The following FSTL5 variants were observed in gnomAD, a reference collection of about 807,000 sequenced individuals.
The protein encoded by FSTL5 is follistatin-related protein 5.
Under a neutral mutation model 89.1 loss-of-function variants are expected in FSTL5, and 62 were observed. The observed-to-expected ratio is 0.70, with a 90% CI of 0.57 to 0.86. The LOEUF is 0.86. Among genes scored for constraint, FSTL5 ranks in the 40% least tolerant of loss-of-function variants. The pLI, the probability that FSTL5 is intolerant of heterozygous loss-of-function variation, is 0.00. For synonymous variants in FSTL5, 383 were observed against 346.2 expected, an observed-to-expected ratio of 1.11 and a Z score of -1.18; for missense variants, 1,057 against 1,001.6, an observed-to-expected ratio of 1.06 and a Z score of -0.75.
At chr4:161,387,700 C>T (rs894304396) in intron 15 of FSTL5, 3 of 151,902 alleles carry the variant, frequency 2.0e-5, no homozygotes, top group African/African-American at 4.8e-5. Context: ...AAATCAGTCC[C>T]GTTTTGCAAT....
At chr4:161,444,267 T>C in intron 15 of FSTL5, among the ~76,000 whole-genome samples, 1 of 152,070 alleles carries the variant, frequency 6.6e-6, no homozygotes, top group South Asian at 2.1e-4. Context: ...ACAGACTTTA[T>C]GAAGTTGGAC....
chr4:161,942,417 T>C (rs1185429277), intron 3 of FSTL5, among the ~76,000 whole-genome samples: 1 of 152,006 alleles, frequency 6.6e-6, no homozygotes, highest in East Asian at 1.9e-4. Context: ...AAGATTCAAA[T>C]TATTAAATTC....
At position 162,026,048 on chromosome 4, in the gene FSTL5, C is replaced by CA. The variant is rs546224624; in HGVS notation, c.160+7576dup. ...GTTTATAGTGTCTGGACAGACAAAG[C>CA]AAAAAAAAAAACGGAAATGTGATAG... is the stretch of plus-strand genomic sequence containing the variant. On this transcript the variant is annotated intron_variant, in intron 3 of 15. Coordinates refer to ENST00000306100, the MANE Select transcript of FSTL5 (RefSeq NM_020116.5). Among the ~76,000 whole-genome samples the CA allele has an allele frequency of 8.3e-3, 987 of 118,994 alleles. 7 individuals carry two copies. The highest frequency in any genetic ancestry group is 0.02 in the African/African-American group (649 of 32,364). The allele number at this position is 118,994 out of a possible 152,430, so 78.1% of individuals were successfully genotyped here.
intron 3 of FSTL5, among the ~76,000 whole-genome samples, chr4:161,925,818 T>G (rs1003908163): frequency 2.6e-5 from 4 of 151,770 alleles, no homozygotes; most frequent in African/African-American, 9.7e-5. Context: ...GGAAATGCAT[T>G]TAGGGGAGTG....
intron 1 of FSTL5, among the ~76,000 whole-genome samples, chr4:162,129,194 A>G (rs1039092801): frequency 7.9e-5 from 12 of 152,300 alleles, no homozygotes; most frequent in Admixed American, 3.3e-4. Flanking sequence ...TGGCCTTCCA[A>G]AGTGCTGGGA....
intron 7 of FSTL5, among the ~76,000 whole-genome samples, chr4:161,620,528 C>T (rs1420003257): frequency 3.3e-5 from 5 of 151,912 alleles, no homozygotes; most frequent in Non-Finnish European, 5.9e-5. Flanking sequence ...CGGTGGCAGG[C>T]GCCTGTAATC....
Position 162,033,807 on chromosome 4 carries a change from A to G in FSTL5, c.127-149T>C, listed in dbSNP as rs187244378. ...CGCCTTTAAAAAATATTTACATATA[A>G]TTTTTTTTTGAGAGAGCATTTTGCC... is the stretch of plus-strand genomic sequence containing the variant. On this transcript the variant is annotated intron_variant, in intron 2 of 15. Transcript: ENST00000306100. 613 of 508,608 alleles carry G rather than the reference A, an allele frequency of 1.2e-3. 6 individuals carry two copies. In the East Asian group the frequency reaches 0.02, roughly 17 times the overall value. The allele number at this position is 508,608 out of a possible 1,614,324, so 31.5% of individuals were successfully genotyped here.
At position 161,416,136 on chromosome 4, in the gene FSTL5, T is replaced by C. The variant is rs114675154; in HGVS notation, c.1842-29687A>G. On this transcript the variant is annotated intron_variant, in intron 15 of 15. Coordinates refer to ENST00000306100, the MANE Select transcript of FSTL5 (RefSeq NM_020116.5). ...CAATGATCTACTGCAACACATAATT[T>C]TGTCGTTATTATCCCAAGAGAAAAA... 9.5e-3 allele frequency among the ~76,000 whole-genome samples: 1,439 copies of C among 152,216 alleles called. 26 individuals are homozygous for C. Among genetic ancestry groups the C allele is most frequent in the African/African-American group, 0.034 (1,394 of 41,548 alleles).
intron 4 of FSTL5, among the ~76,000 whole-genome samples, chr4:161,789,842 T>C (rs1729397914): frequency 6.6e-6 from 1 of 152,180 alleles, no homozygotes; most frequent in African/African-American, 2.4e-5. Context: ...TCAATCTGAA[T>C]ATACTTTCAA....
At chr4:162,029,262 T>C (rs949491387) in intron 3 of FSTL5, among the ~76,000 whole-genome samples, 1 of 152,030 alleles carries the variant, frequency 6.6e-6, no homozygotes, top group African/African-American at 2.4e-5. Flanking sequence ...TGATTAGATA[T>C]AGTCTTAACA....
At chr4:162,074,619 A>T (rs1729763420) in intron 2 of FSTL5, among the ~76,000 whole-genome samples, 1 of 151,760 alleles carries the variant, frequency 6.6e-6, no homozygotes, top group Non-Finnish European at 1.5e-5. Context: ...CAAGTCTCAG[A>T]TCTTTCTTTT....
At chr4:161,918,869 C>G (rs1393744653) in intron 4 of FSTL5, among the ~76,000 whole-genome samples, 1 of 151,986 alleles carries the variant, frequency 6.6e-6, no homozygotes, top group Non-Finnish European at 1.5e-5. Flanking sequence ...TTTTGAACTC[C>G]TGACTTCAGG....
chr4:161,690,811 C>CAG (rs1424327038), intron 6 of FSTL5, among the ~76,000 whole-genome samples: 1 of 152,098 alleles, frequency 6.6e-6, no homozygotes, highest in Non-Finnish European at 1.5e-5. Context: ...TCTCACCCTC[C>CAG]ACCCTATGAA....
In FSTL5 at chr4:161,805,512, A is replaced by T. The variant is rs141355537; in HGVS notation, c.410-29438T>A. Among the ~76,000 whole-genome samples the T allele has an allele frequency of 4.5e-3, 680 of 152,180 alleles. 6 individuals are homozygous for T. The highest frequency in any genetic ancestry group is 0.016 in the African/African-American group (648 of 41,536). On this transcript the variant is annotated intron_variant, in intron 4 of 15. Transcript: ENST00000306100. ...GTTGCAGAGTTTGGTAACTGCATTG[A>T]TATAGAGAAACAAGACAAGAATGAC...
At chr4:162,145,473 C>T (rs916321920) in intron 1 of FSTL5, among the ~76,000 whole-genome samples, 1 of 152,020 alleles carries the variant, frequency 6.6e-6, no homozygotes, top group African/African-American at 2.4e-5. Flanking sequence ...GTGTATTTCT[C>T]GTTTTCCCTA....
At chr4:161,750,804 T>A (rs985878657) in intron 6 of FSTL5, among the ~76,000 whole-genome samples, 2 of 152,146 alleles carry the variant, frequency 1.3e-5, no homozygotes, top group African/African-American at 4.8e-5. Flanking sequence ...TATACTGTAA[T>A]CAGTGGAAAG....
intron 7 of FSTL5, among the ~76,000 whole-genome samples, chr4:161,611,079 T>A (rs2126635179): frequency 6.6e-6 from 1 of 151,076 alleles, no homozygotes; most frequent in Admixed American, 6.6e-5. Context: ...CTGCATAATT[T>A]GCCCAAGGTC....
rs1413157958 is a variant in FSTL5 at position 161,780,010 on chromosome 4, T to C, written c.410-3936A>G. Among the ~76,000 whole-genome samples the C allele has an allele frequency of 2.0e-5, 3 of 148,372 alleles. No individual in the cohort carries two copies. In the Admixed American group the frequency reaches 2.0e-4, roughly 10 times the overall value. On this transcript the variant is annotated intron_variant, in intron 4 of 15. Transcript: ENST00000306100. ...TTTCAAGAAACAGAGTGTGATGAAATGTAAAACATTTGAGAGTAAAATTAA... is the reference window on the plus strand; with the variant it reads ...TTTCAAGAAACAGAGTGTGATGAAACGTAAAACATTTGAGAGTAAAATTAA...
At chr4:161,680,763 T>G (rs2126708212) in intron 6 of FSTL5, among the ~76,000 whole-genome samples, 1 of 152,070 alleles carries the variant, frequency 6.6e-6, no homozygotes, top group South Asian at 2.1e-4. Flanking sequence ...TGGAAAACAT[T>G]TGTCAAGTAA....
Sources: allele counts gnomAD v4.1 joint callset (sites outside exome capture counted in the v4.1 genomes callset), GRCh38; gene constraint gnomAD v4.1.1; transcripts MANE v1.5; gene names NCBI Gene and HGNC (gene_info 2026-07-23, HGNC 2026-07-21).